Variants in WDR70 observed in about 807,000 individuals in gnomAD.
WDR70 encodes the protein WD repeat domain 70.
Under a neutral mutation model 88.6 loss-of-function variants are expected in WDR70, and 53 were observed. The observed-to-expected ratio is 0.60, with a 90% confidence interval of 0.48 to 0.75. WDR70 has a LOEUF of 0.75. Ranked by LOEUF, WDR70 falls within the 30% of genes least tolerant of loss-of-function variation. The pLI, the probability that WDR70 is intolerant of heterozygous loss-of-function variation, is 0.00. For missense variants in WDR70, 610 were observed against 823.2 expected, an observed-to-expected ratio of 0.74 and a Z score of 3.17; for synonymous variants, 280 against 270.0, an observed-to-expected ratio of 1.04 and a Z score of -0.36.
At chr5:37,430,558 T>C (rs1750269881) in intron 5 of WDR70, among the ~76,000 whole-genome samples, 1 of 152,144 alleles carries the variant, frequency 6.6e-6, no homozygotes, top group Admixed American at 6.6e-5. Flanking sequence ...GATTTTTTTC[T>C]TTTCTTTTTT....
chr5:37,587,898 G>C (rs1185830603), intron 9 of WDR70, among the ~76,000 whole-genome samples: 1 of 150,852 alleles, frequency 6.6e-6, no homozygotes, highest in East Asian at 2.0e-4. Context: ...TCGTGCCTCA[G>C]TCTCCCAAGT....
At chr5:37,717,884 C>T (rs1156674452) in intron 13 of WDR70, among the ~76,000 whole-genome samples, 1 of 152,166 alleles carries the variant, frequency 6.6e-6, no homozygotes, top group East Asian at 1.9e-4. Flanking sequence ...GCCCACCCAC[C>T]TTTGGCTTTA....
chr5:37,708,461 A>G (rs935776616), intron 13 of WDR70, among the ~76,000 whole-genome samples: 1 of 152,066 alleles, frequency 6.6e-6, no homozygotes, highest in Non-Finnish European at 1.5e-5. Flanking sequence ...ATTACATGTT[A>G]CACATGTAAC....
chr5:37,737,449 T>C (rs1285502539), intron 17 of WDR70, among the ~76,000 whole-genome samples: 4 of 152,164 alleles, frequency 2.6e-5, no homozygotes, highest in Non-Finnish European at 4.4e-5. Flanking sequence ...TAAAAGATCA[T>C]TGTATGAGCC....
chr5:37,503,058 C>G (rs1449888573), intron 8 of WDR70, among the ~76,000 whole-genome samples: 1 of 152,082 alleles, frequency 6.6e-6, no homozygotes, highest in Non-Finnish European at 1.5e-5. Flanking sequence ...TTATCATGGT[C>G]AGTTATCTTT....
intron 13 of WDR70, among the ~76,000 whole-genome samples, chr5:37,708,036 A>G (rs540650927): frequency 1.7e-4 from 24 of 137,170 alleles, no homozygotes; most frequent in Admixed American, 1.6e-3. Flanking sequence ...ATATGATAGT[A>G]AAGGTATTTT....
intron 9 of WDR70, among the ~76,000 whole-genome samples, chr5:37,598,562 T>A (rs1456156821): frequency 6.6e-6 from 1 of 152,168 alleles, no homozygotes; most frequent in Non-Finnish European, 1.5e-5. Context: ...ATTAACAGAT[T>A]GAGACAGTTT....
chr5:37,638,204 T>C (rs997740589), intron 10 of WDR70, among the ~76,000 whole-genome samples: 2 of 152,252 alleles, frequency 1.3e-5, no homozygotes, highest in African/African-American at 4.8e-5. Context: ...AGTTTAGATA[T>C]TATTCCATTA....
At chr5:37,679,552 C>T (rs1048576353) in intron 10 of WDR70, among the ~76,000 whole-genome samples, 2 of 152,180 alleles carry the variant, frequency 1.3e-5, no homozygotes, top group African/African-American at 4.8e-5. Flanking sequence ...AGCGGATTTT[C>T]GTGAACCGCG....
chr5:37,535,045 G>A (rs72738761), intron 9 of WDR70, among the ~76,000 whole-genome samples: 4,789 of 152,088 alleles, frequency 0.031, 94 homozygotes, highest in Middle Eastern at 0.092. Flanking sequence ...TGCCTTCATA[G>A]GGCTTATATT....
intron 5 of WDR70, among the ~76,000 whole-genome samples, chr5:37,430,662 G>A (rs1303969959): frequency 6.6e-6 from 1 of 151,972 alleles, no homozygotes. Flanking sequence ...CTGGGTTTAA[G>A]CGATTCTCCC....
rs1265734054 is a variant in WDR70 at position 37,464,495 on chromosome 5, G to A, written c.687-15339G>A. Among the ~76,000 whole-genome samples, 3 of 152,136 alleles carry A rather than the reference G, an allele frequency of 2.0e-5. No homozygotes were observed. In the East Asian group the frequency reaches 5.8e-4, roughly 29 times the overall value. On this transcript the variant is annotated intron_variant, in intron 7 of 17. Coordinates refer to ENST00000265107, the MANE Select transcript of WDR70 (RefSeq NM_018034.4). ...AATTGCTAGCTATAATAGGGTTTTG[G>A]AGCAATGAGGATTGGCTAGTAAAAA...
At chr5:37,642,512 T>C (rs1371433884) in intron 10 of WDR70, among the ~76,000 whole-genome samples, 1 of 152,176 alleles carries the variant, frequency 6.6e-6, no homozygotes, top group East Asian at 1.9e-4. Context: ...GGGATATCCA[T>C]CACCTCAAAC....
chr5:37,471,333 C>T (rs1739319699), intron 7 of WDR70, among the ~76,000 whole-genome samples: 1 of 151,940 alleles, frequency 6.6e-6, no homozygotes, highest in Non-Finnish European at 1.5e-5. Flanking sequence ...AGTAGTATTT[C>T]ATTGTGGCTT....
At chr5:37,410,681 A>G (rs1749496353) in intron 5 of WDR70, among the ~76,000 whole-genome samples, 1 of 152,218 alleles carries the variant, frequency 6.6e-6, no homozygotes, top group African/African-American at 2.4e-5. Context: ...TGGTATGTAC[A>G]GAGTACATAT....
At chr5:37,542,137 A>G (rs1741838768) in intron 9 of WDR70, among the ~76,000 whole-genome samples, 2 of 152,364 alleles carry the variant, frequency 1.3e-5, no homozygotes, top group South Asian at 4.1e-4. Flanking sequence ...CTAGAGCATG[A>G]AAAAATACAT....
intron 10 of WDR70, among the ~76,000 whole-genome samples, chr5:37,680,903 G>A (rs1746411430): frequency 6.6e-6 from 1 of 151,628 alleles, no homozygotes; most frequent in Admixed American, 6.6e-5. Flanking sequence ...TTCCATATGA[G>A]TAGTTTTAAA....
chr5:37,641,411 C>CTTT lies in WDR70; in HGVS notation c.1092+36194_1092+36196dup, dbSNP rs70978833. Among the ~76,000 whole-genome samples, 50 of 80,348 alleles carry CTTT rather than the reference C, an allele frequency of 6.2e-4. 1 individual carries two copies. The highest frequency in any genetic ancestry group is 9.6e-4 in the South Asian group (2 of 2,092). The allele number at this position is 80,348 out of a possible 152,430, so 52.7% of individuals were successfully genotyped here. On this transcript the variant is annotated intron_variant, in intron 10 of 17. Coordinates refer to ENST00000265107, the MANE Select transcript of WDR70 (RefSeq NM_018034.4). ...ATGGGCCACCACACCTGTCCACATC[C>CTTT]TTTTTTTTTTTTTTTTTTTTTTTAA...
intron 9 of WDR70, among the ~76,000 whole-genome samples, chr5:37,525,526 A>G (rs1171253228): frequency 6.6e-6 from 1 of 152,242 alleles, no homozygotes; most frequent in South Asian, 2.1e-4. Context: ...AAGAGAAAGC[A>G]GGAAATATCG....
Sources: gnomAD v4.1 joint callset for allele counts (sites outside exome capture counted in the v4.1 genomes callset) on GRCh38, gnomAD v4.1.1 for gene constraint, MANE v1.5 for transcripts, NCBI Gene and HGNC (gene_info 2026-07-23, HGNC 2026-07-21) for gene names.